CWH43: variants seen among roughly 807,000 people sequenced by gnomAD.
CWH43 encodes cell wall biogenesis 43 C-terminal homolog.
Under a neutral mutation model 85.7 loss-of-function variants are expected in CWH43, and 91 were observed. That is an observed-to-expected ratio of 1.06 (90% confidence interval 0.90 to 1.26). CWH43 has a LOEUF of 1.26. Among genes scored for constraint, CWH43 ranks in the 50% most tolerant of loss-of-function variants. The pLI is 0.00. For synonymous variants in CWH43, 323 were observed against 293.6 expected, an observed-to-expected ratio of 1.10 and a Z score of -1.02; for missense variants, 869 against 839.2, an observed-to-expected ratio of 1.04 and a Z score of -0.44.
At chr4:49,053,975 C>A (rs561527488) in intron 15 of CWH43, among the ~76,000 whole-genome samples, 1 of 152,206 alleles carries the variant, frequency 6.6e-6, no homozygotes, top group South Asian at 2.1e-4. Flanking sequence ...TCTCTTCAGT[C>A]TGTTGATTGT....
chr4:49,060,218 C>T (rs1363232865), intron 15 of CWH43, among the ~76,000 whole-genome samples: 1 of 151,638 alleles, frequency 6.6e-6, no homozygotes. Flanking sequence ...GGGCTTGGAG[C>T]CTGGGTCTGT....
At chr4:49,042,332 T>C (rs1784488424) in intron 13 of CWH43, among the ~76,000 whole-genome samples, 1 of 152,240 alleles carries the variant, frequency 6.6e-6, no homozygotes, top group South Asian at 2.1e-4. Context: ...TTGCCTTGTA[T>C]AACTTAGCCT....
At chr4:49,009,424 G>A (rs1489774451) in intron 8 of CWH43, among the ~76,000 whole-genome samples, 2 of 152,142 alleles carry the variant, frequency 1.3e-5, no homozygotes, top group Non-Finnish European at 1.5e-5. Flanking sequence ...TCTGCAAACA[G>A]GGACAATTTG....
chr4:49,002,471 G>A (rs750450155), intron 6 of CWH43, among the ~76,000 whole-genome samples: 4 of 152,130 alleles, frequency 2.6e-5, no homozygotes, highest in Non-Finnish European at 5.9e-5. Context: ...TTCCATTTAT[G>A]TAAAAATACT....
At chr4:48,988,336 T>G in intron 1 of CWH43, 141 bp from the exon 2 acceptor site, 3 of 473,432 alleles carry the variant, frequency 6.3e-6, no homozygotes, top group Non-Finnish European at 1.1e-5. Flanking sequence ...TCCATGTCAG[T>G]GGAGACAACT....
chr4:49,025,789 G>T (rs1783896527), intron 9 of CWH43, among the ~76,000 whole-genome samples: 1 of 152,148 alleles, frequency 6.6e-6, no homozygotes, highest in Admixed American at 6.5e-5. Context: ...GAGGGTCATT[G>T]GTTGTATTTT....
rs1784139831 is a variant in CWH43, at chr4:49,032,735, C to G, written c.1658+20C>G. ...CCACGAGTGGGTTTCTTTGGCCCAC[C>G]TAATATTACACAAATGCCAAGAAAT... On this transcript the variant is annotated intron_variant, in intron 12 of 15. Coordinates refer to ENST00000226432, the MANE Select transcript of CWH43 (RefSeq NM_025087.3). 6.2e-7 allele frequency: 1 copy of G among 1,612,734 alleles called. No individual in the cohort carries two copies. Among genetic ancestry groups the G allele is most frequent in the African/African-American group, 1.3e-5 (1 of 74,904 alleles).
chr4:49,009,386 G>A (rs1250114651), intron 8 of CWH43, among the ~76,000 whole-genome samples: 1 of 152,128 alleles, frequency 6.6e-6, no homozygotes, highest in Non-Finnish European at 1.5e-5. Flanking sequence ...CTGAAATGAT[G>A]GGGTTTTCTA....
Position 49,003,867 on chromosome 4 carries a change from C to A in CWH43, c.935C>A (p.Pro312His). The change falls in exon 7 of 16, where the codon CCT becomes CAT. Residue 312 changes from proline to histidine, a missense_variant. Pro to His is a moderately conservative substitution (Grantham distance 77). Around this residue, in one of 3 missense-constraint regions of CWH43, gnomAD observed 577 missense variants for 513.1 expected, o/e 1.12. Transcript: ENST00000226432. ...CACCTTATTAACTCAGGGACAAACC[C>A]TGGGAAAACCATGACCATTGCCATG... Reference protein sequence around the residue: ...LGHLINSGTNPGKTMTIAMIF... With the variant: ...LGHLINSGTNHGKTMTIAMIF... 6.2e-7 allele frequency: 1 copy of A among 1,614,012 alleles called. No individual in the cohort carries two copies. The highest frequency in any genetic ancestry group is 8.5e-7 in the Non-Finnish European group (1 of 1,179,938).
chr4:49,057,140 A>C (rs1362208434), intron 15 of CWH43, among the ~76,000 whole-genome samples: 4 of 152,182 alleles, frequency 2.6e-5, no homozygotes, highest in African/African-American at 9.7e-5. Context: ...CAATTTAGGA[A>C]GTTTATTTTG....
intron 2 of CWH43, 76 bp downstream of exon 2, chr4:48,988,744 G>C (rs1782567828): frequency 1.2e-6 from 1 of 842,024 alleles, no homozygotes; most frequent in East Asian, 3.0e-5. Context: ...ACTGTTCTTT[G>C]AATACTAAAT....
At chr4:48,986,933 G>A (rs1411236627) in intron 1 of CWH43, 3 of 490,468 alleles carry the variant, frequency 6.1e-6, no homozygotes, top group Non-Finnish European at 8.0e-6. Context: ...CCGTGGGCTG[G>A]GCCCAGGACA....
At chr4:49,033,206 G>T (rs1233681471) in intron 12 of CWH43, among the ~76,000 whole-genome samples, 2 of 152,200 alleles carry the variant, frequency 1.3e-5, no homozygotes, top group African/African-American at 2.4e-5. Context: ...TGCTACAAAT[G>T]GAAGTACTGT....
At chr4:49,055,686 T>A (rs1208758639) in intron 15 of CWH43, among the ~76,000 whole-genome samples, 2 of 151,940 alleles carry the variant, frequency 1.3e-5, no homozygotes, top group African/African-American at 4.8e-5. Flanking sequence ...ACCTCCCAGG[T>A]TGAAGCAATT....
Position 48,986,376 on chromosome 4 carries a change from C to A in CWH43, c.-54C>A. ...GGAACCTGGGGGCGCAGGGCTAGGG[C>A]AGCGGGCCCGACCCGCACGGCTTTC... On this transcript the variant is annotated 5_prime_UTR_variant, in exon 1 of 16. Transcript: ENST00000226432. The A allele has an allele frequency of 6.6e-7, 1 of 1,518,088 alleles. No homozygotes were observed. The allele number at this position is 1,518,088 out of a possible 1,614,324, so 94.0% of individuals were successfully genotyped here.
At chr4:49,032,744 C>T in intron 12 of CWH43, 29 bp downstream of exon 12, 1 of 1,610,100 alleles carries the variant, frequency 6.2e-7, no homozygotes, top group Non-Finnish European at 8.5e-7. Context: ...CCTAATATTA[C>T]ACAAATGCCA....
At chr4:48,996,075 C>T (rs185198495) in intron 5 of CWH43, among the ~76,000 whole-genome samples, 4 of 152,034 alleles carry the variant, frequency 2.6e-5, no homozygotes, top group Non-Finnish European at 4.4e-5. Flanking sequence ...TCACCTGAGT[C>T]GAACCCACTT....
chr4:49,007,350 A>C, intron 8 of CWH43, 24 bp downstream of exon 8: 1 of 1,517,254 alleles, frequency 6.6e-7, no homozygotes, highest in Non-Finnish European at 8.8e-7. Flanking sequence ...TACATTCTTA[A>C]AAAAAATTAA....
chr4:49,028,513 TA>T (rs1783991031), intron 9 of CWH43, 115 bp from the exon 10 acceptor site: 3 of 624,284 alleles, frequency 4.8e-6, no homozygotes, highest in African/African-American at 1.9e-5. Context: ...GGAAAATGTC[TA>T]AGGAAATTCC....
Sources: gnomAD v4.1 joint callset for allele counts (sites outside exome capture counted in the v4.1 genomes callset) on GRCh38, gnomAD v4.1.1 for gene constraint, gnomAD v4.1.1 regional missense constraint, MANE v1.5 for transcripts, NCBI Gene and HGNC (gene_info 2026-07-23, HGNC 2026-07-21) for gene names.